The following PLEKHF1 variants were observed in gnomAD, a reference collection of about 807,000 sequenced individuals.
The protein encoded by PLEKHF1 is pleckstrin homology and FYVE domain containing 1, also known as pleckstrin homology domain-containing family F member 1.
In PLEKHF1, 1 loss-of-function variant was observed where a neutral mutation model predicts 4.1. The observed-to-expected ratio is 0.24, with a 90% CI of 0.09 to 1.15. The LOEUF (loss-of-function observed/expected upper bound fraction) is 1.15, where lower values mean the gene tolerates loss of function less well. Among genes scored for constraint, PLEKHF1 ranks in the 50% most tolerant of loss-of-function variants. The probability of loss-of-function intolerance (pLI) is 0.52; values close to 1 mark genes in which losing one functional copy is unlikely to be tolerated. For missense variants in PLEKHF1, 429 were observed against 400.6 expected, an observed-to-expected ratio of 1.07 and a Z score of -0.60; for synonymous variants, 182 against 178.5, an observed-to-expected ratio of 1.02 and a Z score of -0.16.
At chr19:29,668,418 A>T (rs896601206) in intron 1 of PLEKHF1, among the ~76,000 whole-genome samples, 6 of 131,624 alleles carry the variant, frequency 4.6e-5, no homozygotes, top group Admixed American at 1.6e-4. Context: ...AGAACAATTA[A>T]AAAAAAAAAA....
chr19:29,670,981 T>C (rs1441286151), intron 1 of PLEKHF1, among the ~76,000 whole-genome samples: 1 of 152,220 alleles, frequency 6.6e-6, no homozygotes, highest in Non-Finnish European at 1.5e-5. Flanking sequence ...TTTAAGGAAC[T>C]TCCATGCTGT....
intron 1 of PLEKHF1, among the ~76,000 whole-genome samples, chr19:29,669,324 C>T (rs377375319): frequency 7.2e-5 from 11 of 152,360 alleles, no homozygotes; most frequent in African/African-American, 2.4e-4. Flanking sequence ...TGCGGGAGGG[C>T]TACCTGCTCT....
At chr19:29,673,746 C>G in intron 1 of PLEKHF1, 78 bp from the exon 2 acceptor site, 1 of 1,529,262 alleles carries the variant, frequency 6.5e-7, no homozygotes, top group Non-Finnish European at 8.8e-7. Flanking sequence ...GTGGGTTAGT[C>G]AGTTGGGGGT....
intron 1 of PLEKHF1, among the ~76,000 whole-genome samples, chr19:29,673,391 C>CTT (rs5827666): frequency 2.0e-4 from 29 of 148,228 alleles, no homozygotes; most frequent in African/African-American, 4.0e-4. Context: ...CTCAGTAGCA[C>CTT]TTTTTTTTTT....
In PLEKHF1 at chr19:29,674,118, G is replaced by T. The variant is rs767362022; in HGVS notation, c.279G>T (p.Thr93=). The T allele has an allele frequency of 1.4e-5, 22 of 1,613,930 alleles. No homozygotes were observed. The South Asian group carries it at 1.8e-4, about 13-fold the overall frequency. The stretch of plus-strand genomic sequence containing the variant: ...TCACACTGGAGCTGTTGCCGGAGAC[G>T]CTGCAGGCCAAGAACCGCTGGATGA... ...EEVTLELLPE[T]LQAKNRWMIK... The change falls in exon 2 of 2, where the codon ACG becomes ACT. Residue 93 remains threonine (T), a synonymous_variant. Coordinates refer to ENST00000436066, the MANE Select transcript of PLEKHF1 (RefSeq NM_024310.5).
chr19:29,668,334 GC>G (rs1421881016), intron 1 of PLEKHF1, among the ~76,000 whole-genome samples: 2 of 152,112 alleles, frequency 1.3e-5, no homozygotes, highest in Admixed American at 1.3e-4. Context: ...AGGCAGGCCG[GC>G]CCCAAATGAG....
At chr19:29,665,884 C>CAG in intron 1 of PLEKHF1, 5 of 870,972 alleles carry the variant, frequency 5.7e-6, no homozygotes, top group African/African-American at 1.8e-5. Flanking sequence ...CTCGTGTGGC[C>CAG]GCCGGGACCT....
At chr19:29,668,483 G>C (rs907179346) in intron 1 of PLEKHF1, among the ~76,000 whole-genome samples, 17 of 152,158 alleles carry the variant, frequency 1.1e-4, no homozygotes, top group African/African-American at 3.9e-4. Flanking sequence ...ACTTTGGGAG[G>C]CTGAGGAGGG....
Position 29,674,234 on chromosome 19 carries a change from G to C in PLEKHF1, c.395G>C (p.Arg132Pro), listed in dbSNP as rs61755459. ...AGCCACATCGAGGAGTGCGTGCGGC[G>C]GCAACTGAGGGCCACGGGCCGCCCG... ...WISHIEECVR[R>P]QLRATGRPPS... Residue 132 changes from arginine to proline, a missense_variant, in exon 2 of 2, where the codon CGG becomes CCG. Coordinates refer to ENST00000436066, the MANE Select transcript of PLEKHF1 (RefSeq NM_024310.5). 1.9e-6 allele frequency: 3 copies of C among 1,610,716 alleles called. No homozygotes were observed. The highest frequency in any genetic ancestry group is 2.5e-6 in the Non-Finnish European group (3 of 1,179,590).
rs544425260 is a variant in PLEKHF1 at position 29,674,436 on chromosome 19, G to A, written c.597G>A (p.Lys199=). 14 of 1,532,720 alleles carry A rather than the reference G, an allele frequency of 9.1e-6. No individual in the cohort carries two copies. In the African/African-American group the frequency reaches 1.6e-4, roughly 18 times the overall value. The allele number at this position is 1,532,720 out of a possible 1,614,324, so 94.9% of individuals were successfully genotyped here. Reference sequence around the variant, plus strand: ...TCCTGCTCCCGCGCCTGTCCCCCAAGCCCGTGCGCGTCTGCAGCCTCTGCT... The same window carrying A: ...TCCTGCTCCCGCGCCTGTCCCCCAAACCCGTGCGCGTCTGCAGCCTCTGCT... ...QRFLLPRLSP[K]PVRVCSLCYR... is the part of the protein sequence containing the mutation. The change falls in exon 2 of 2, where the codon AAG becomes AAA. Residue 199 remains lysine (K), a synonymous_variant. Coordinates refer to ENST00000436066, the MANE Select transcript of PLEKHF1 (RefSeq NM_024310.5).
At chr19:29,666,314 G>T (rs1359305422) in intron 1 of PLEKHF1, among the ~76,000 whole-genome samples, 1 of 152,228 alleles carries the variant, frequency 6.6e-6, no homozygotes, top group Non-Finnish European at 1.5e-5. Context: ...TGGGGAGGTA[G>T]TCCCCTAATG....
intron 1 of PLEKHF1, among the ~76,000 whole-genome samples, chr19:29,668,765 A>G (rs574662350): frequency 9.5e-4 from 145 of 152,168 alleles, no homozygotes; most frequent in Non-Finnish European, 1.8e-3. Context: ...TCCCCATCTA[A>G]CTCAGGGCTG....
At position 29,674,374 on chromosome 19, in the gene PLEKHF1, G is replaced by A. The variant is rs1277409117; in HGVS notation, c.535G>A (p.Gly179Ser). The A allele has an allele frequency of 3.3e-6, 5 of 1,537,598 alleles. No individual in the cohort carries two copies. The highest frequency in any genetic ancestry group is 1.7e-4 in the Middle Eastern group (1 of 6,006). ...LTRRHHCRKC[G>S]FVVCAECSRQ... Reference sequence around the variant, plus strand: ...GAGGCGCCACCACTGCCGCAAGTGCGGCTTCGTGGTCTGCGCTGAGTGCTC... The same window carrying A: ...GAGGCGCCACCACTGCCGCAAGTGCAGCTTCGTGGTCTGCGCTGAGTGCTC... Residue 179 changes from glycine (G) to serine (S), a missense_variant, in exon 2 of 2, where the codon GGC (glycine) becomes AGC (serine). Gly to Ser is a moderately conservative substitution (Grantham distance 56, BLOSUM62 0). Coordinates refer to ENST00000436066, the MANE Select transcript of PLEKHF1 (RefSeq NM_024310.5).
In PLEKHF1 at chr19:29,674,572, G is replaced by A. The variant is rs751053699; in HGVS notation, c.733G>A (p.Asp245Asn). The A allele has an allele frequency of 6.2e-7, 1 of 1,601,580 alleles. No individual in the cohort carries two copies. Among genetic ancestry groups the A allele is most frequent in the Admixed American group, 1.7e-5 (1 of 58,712 alleles). ...ARPICGASSGDDDDSDEDKEG... is the reference protein window; with the variant it reads ...ARPICGASSGNDDDSDEDKEG... ...GCCCATCTGCGGAGCGTCCAGTGGA[G>A]ATGACGATGACTCCGACGAGGACAA... Residue 245 changes from aspartate to asparagine, a missense_variant, in exon 2 of 2, where the codon GAT becomes AAT. Physicochemically the swap from Asp to Asn is conservative, Grantham distance 23. Transcript: ENST00000436066.
intron 1 of PLEKHF1, among the ~76,000 whole-genome samples, chr19:29,669,317 G>A (rs1253463459): frequency 2.0e-5 from 3 of 152,322 alleles, no homozygotes; most frequent in Admixed American, 6.5e-5. Context: ...CCAGGGTTGC[G>A]GGAGGGCTAC....
chr19:29,666,263 T>G (rs1455744179), intron 1 of PLEKHF1, among the ~76,000 whole-genome samples: 1 of 152,062 alleles, frequency 6.6e-6, no homozygotes, highest in African/African-American at 2.4e-5. Context: ...TTTGAACACC[T>G]CTGGTATCTC....
At chr19:29,673,726 G>T (rs2145590255) in intron 1 of PLEKHF1, 98 bp from the exon 2 acceptor site, 1 of 1,490,802 alleles carries the variant, frequency 6.7e-7, no homozygotes, top group Non-Finnish European at 9.0e-7. Flanking sequence ...TCAGTGGGCT[G>T]CCTGGCATGG....
chr19:29,670,350 A>G (rs1253036197), intron 1 of PLEKHF1, among the ~76,000 whole-genome samples: 2 of 152,308 alleles, frequency 1.3e-5, no homozygotes, highest in Non-Finnish European at 2.9e-5. Context: ...TTTGATCAGT[A>G]TGTATATCTC....
intron 1 of PLEKHF1, among the ~76,000 whole-genome samples, chr19:29,668,711 C>T (rs1319486093): frequency 7.1e-6 from 1 of 141,110 alleles, no homozygotes; most frequent in East Asian, 2.0e-4. Context: ...CAAAGCAAGA[C>T]AATGTCTCAG....
Sources: allele counts gnomAD v4.1 joint callset (sites outside exome capture counted in the v4.1 genomes callset), GRCh38; gene constraint gnomAD v4.1.1; transcripts MANE v1.5; gene names NCBI Gene and HGNC (gene_info 2026-07-23, HGNC 2026-07-21).